FRMPD4: variants seen among roughly 807,000 people sequenced by gnomAD.
The protein encoded by FRMPD4 is FERM and PDZ domain containing 4.
FRMPD4 carries 22 observed loss-of-function variants against 94.1 expected under a neutral mutation model. That is an observed-to-expected ratio of 0.23 (90% CI 0.17 to 0.33). FRMPD4 has a LOEUF of 0.33. FRMPD4 is among the 10% of genes least tolerant of loss of function. The pLI is 1.00. For synonymous variants in FRMPD4, 631 were observed against 548.6 expected, an observed-to-expected ratio of 1.15 and a Z score of -2.10; for missense variants, 1,111 against 1,339.9, an observed-to-expected ratio of 0.83 and a Z score of 2.67.
chrX:12,647,841 C>CT (rs1287986313), intron 4 of FRMPD4, among the ~76,000 whole-genome samples: 4 of 111,046 alleles, frequency 3.6e-5, no homozygotes, highest in South Asian at 3.9e-4. Flanking sequence ...AAACTTGCTC[C>CT]TTTTTTTACT....
intron 2 of FRMPD4, among the ~76,000 whole-genome samples, chrX:12,558,109 T>C (rs181054671): frequency 6.3e-4 from 71 of 112,415 alleles, no homozygotes; most frequent in African/African-American, 2.2e-3. Flanking sequence ...CAATTACAAA[T>C]GTACAGCATG....
At chrX:12,295,482 G>T (rs999057492) in intron 1 of FRMPD4, among the ~76,000 whole-genome samples, 9 of 112,143 alleles carry the variant, frequency 8.0e-5, no homozygotes, top group Non-Finnish European at 1.9e-5. Flanking sequence ...AAGACCAAAT[G>T]ACATAACCTC....
chrX:12,550,668 T>C (rs1241056577), intron 2 of FRMPD4, among the ~76,000 whole-genome samples: 1 of 111,137 alleles, frequency 9.0e-6, no homozygotes, highest in Non-Finnish European at 1.9e-5. Flanking sequence ...TCTCTGTATA[T>C]ACACAGCACT....
chrX:12,213,547 C>T (rs2056775415), intron 1 of FRMPD4, among the ~76,000 whole-genome samples: 1 of 111,761 alleles, frequency 8.9e-6, no homozygotes, highest in African/African-American at 3.3e-5. Flanking sequence ...TTGAGTGGCT[C>T]AATTTTTGTT....
intron 3 of FRMPD4, among the ~76,000 whole-genome samples, chrX:12,052,561 T>C (rs1236971320): frequency 8.9e-6 from 1 of 112,338 alleles, no homozygotes. Context: ...AACTCTGTCA[T>C]GTTGTTAGTT....
At chrX:11,925,859 G>A (rs747825538) in intron 3 of FRMPD4, among the ~76,000 whole-genome samples, 6 of 111,402 alleles carry the variant, frequency 5.4e-5, no homozygotes, top group Non-Finnish European at 1.1e-4. Flanking sequence ...AGAACCAAGA[G>A]CAAACAAATC....
intron 1 of FRMPD4, among the ~76,000 whole-genome samples, chrX:12,272,111 A>G (rs1233157585): frequency 8.9e-6 from 1 of 112,162 alleles, no homozygotes; most frequent in Non-Finnish European, 1.9e-5. Context: ...TGGGGAAAAT[A>G]ATAGTAGAGT....
At chrX:12,617,304 C>A (rs1239430669) in intron 4 of FRMPD4, among the ~76,000 whole-genome samples, 3 of 111,995 alleles carry the variant, frequency 2.7e-5, no homozygotes, top group Non-Finnish European at 5.6e-5. Context: ...ATTTTAGTAT[C>A]CATAAATATT....
At chrX:12,370,611 C>T (rs940014449) in intron 1 of FRMPD4, among the ~76,000 whole-genome samples, 8 of 112,256 alleles carry the variant, frequency 7.1e-5, no homozygotes, top group African/African-American at 2.3e-4. Context: ...AATCTGCTCA[C>T]GTGCAAAAGG....
At chrX:12,650,964 C>T (rs2059590331) in intron 4 of FRMPD4, among the ~76,000 whole-genome samples, 1 of 112,909 alleles carries the variant, frequency 8.9e-6, no homozygotes, top group African/African-American at 3.2e-5. Context: ...CCTTTGCAGG[C>T]TAACTCCCTT....
chrX:12,251,294 A>G (rs966932073), intron 1 of FRMPD4, among the ~76,000 whole-genome samples: 4 of 110,996 alleles, frequency 3.6e-5, no homozygotes, highest in East Asian at 5.7e-4. Flanking sequence ...TCTCCATTCA[A>G]TTTTATGTTG....
At chrX:12,684,719 C>A (rs1189855233) in intron 6 of FRMPD4, among the ~76,000 whole-genome samples, 1 of 112,427 alleles carries the variant, frequency 8.9e-6, no homozygotes, top group Non-Finnish European at 1.9e-5. Context: ...TGAAACTTAC[C>A]TTTTCTGCCC....
intron 2 of FRMPD4, among the ~76,000 whole-genome samples, chrX:12,608,497 G>A (rs1004575698): frequency 2.7e-5 from 3 of 112,206 alleles, no homozygotes; most frequent in African/African-American, 6.5e-5. Flanking sequence ...AAATCTTTCC[G>A]GAGAACAAAT....
intron 1 of FRMPD4, among the ~76,000 whole-genome samples, chrX:12,278,591 T>C (rs775007320): frequency 8.9e-6 from 1 of 112,357 alleles, no homozygotes; most frequent in South Asian, 3.7e-4. Flanking sequence ...AAGGGCAAGA[T>C]AGGGGAGGAC....
At chrX:12,073,629 A>G (rs1179938316) in intron 3 of FRMPD4, among the ~76,000 whole-genome samples, 1 of 112,456 alleles carries the variant, frequency 8.9e-6, no homozygotes, top group Non-Finnish European at 1.9e-5. Flanking sequence ...GTGAAACTCC[A>G]TCTTAAACTA....
chrX:11,828,956 C>T (rs1168777919), intron 1 of FRMPD4, among the ~76,000 whole-genome samples: 1 of 111,955 alleles, frequency 8.9e-6, no homozygotes, highest in African/African-American at 3.2e-5. Context: ...CAGGCTCAAG[C>T]TCCATGAAGA....
chrX:12,130,598 A>T (rs1434535667), intron 3 of FRMPD4, among the ~76,000 whole-genome samples: 1 of 111,561 alleles, frequency 9.0e-6, no homozygotes, highest in East Asian at 2.8e-4. Flanking sequence ...ATTAATAAGT[A>T]AAATAATAAA....
chrX:12,346,290 A>AG (rs1439329393), intron 1 of FRMPD4, among the ~76,000 whole-genome samples: 1 of 109,710 alleles, frequency 9.1e-6, no homozygotes, highest in African/African-American at 3.3e-5. Flanking sequence ...AAAAAAAAAA[A>AG]TAGGTTGCAT....
chrX:12,072,952 A>G (rs1218435462), intron 3 of FRMPD4, among the ~76,000 whole-genome samples: 1 of 110,323 alleles, frequency 9.1e-6, no homozygotes, highest in Non-Finnish European at 1.9e-5. Flanking sequence ...TTCATGCAAC[A>G]TGTACTGTAT....
Sources: allele counts gnomAD v4.1 joint callset (sites outside exome capture counted in the v4.1 genomes callset), GRCh38; gene constraint gnomAD v4.1.1; transcripts MANE v1.5; gene names NCBI Gene and HGNC (gene_info 2026-07-23, HGNC 2026-07-21).